Variants in TEX50 observed in about 807,000 individuals in gnomAD.
TEX50 encodes testis expressed 50.
TEX50 carries 3 observed loss-of-function variants against 9.8 expected under a neutral mutation model. The ratio of observed to expected loss-of-function variants is 0.31; its 90% confidence interval spans 0.14 to 0.79. The LOEUF is 0.79. Ranked by LOEUF, TEX50 falls within the 30% of genes least tolerant of loss-of-function variation. The probability of loss-of-function intolerance (pLI) is 0.63; values close to 1 mark genes in which losing one functional copy is unlikely to be tolerated. For synonymous variants in TEX50, 61 were observed against 72.1 expected (o/e 0.85, Z 0.78); for missense variants, 164 against 199.3 (o/e 0.82, Z 1.07).
In TEX50 at chr1:173,635,532, A is replaced by C. The variant is rs1024513336; in HGVS notation, c.11A>C (p.Gln4Pro). 19 of 1,522,582 alleles carry C rather than the reference A, an allele frequency of 1.2e-5. No individual in the cohort carries two copies. The highest frequency in any genetic ancestry group is 1.7e-4 in the Middle Eastern group (1 of 5,950). The allele number at this position is 1,522,582 out of a possible 1,614,324, so 94.3% of individuals were successfully genotyped here. Residue 4 changes from glutamine (Q) to proline (P), a missense_variant, in exon 1 of 2, where the codon CAA (glutamine) becomes CCA (proline). Physicochemically the swap from Gln to Pro is moderately conservative, Grantham distance 76 (BLOSUM62 -1). Coordinates refer to ENST00000417563, the MANE Select transcript of TEX50 (RefSeq NM_001195190.3). MSN[Q>P]RLPLIFSLLF... ...AATTGACAAAGAAGGATGTCTAATC[A>C]AAGACTACCGCTGATTTTTTCTCTG...
chr1:173,636,786 GT>G, intron 1 of TEX50, 40 bp from the exon 2 acceptor site: 1 of 1,409,268 alleles, frequency 7.1e-7, no homozygotes, highest in Non-Finnish European at 9.7e-7. Flanking sequence ...GAACTCTACT[GT>G]TTTATGTAGA....
Position 173,636,863 on chromosome 1 carries a change from G to T in TEX50, c.361G>T (p.Asp121Tyr), listed in dbSNP as rs1471533878. The T allele has an allele frequency of 2.6e-6, 4 of 1,535,712 alleles. No individual in the cohort carries two copies. The South Asian group carries it at 4.8e-5, about 18-fold the overall frequency. Reference protein sequence around the residue: ...KQASLEKPGNDLESPLINNID... With the variant: ...KQASLEKPGNYLESPLINNID... ...AGCCTCCTTAGAAAAACCTGGTAAT[G>T]ATCTAGAAAGCCCATTGATCAACAA... The change falls in exon 2 of 2, where the codon GAT (aspartate) becomes TAT (tyrosine). Residue 121 changes from aspartate (D) to tyrosine (Y), a missense_variant. Around this residue, in one of 3 missense-constraint regions of TEX50, gnomAD observed 135 missense variants for 154.2 expected, o/e 0.88. Coordinates refer to ENST00000417563, the MANE Select transcript of TEX50 (RefSeq NM_001195190.3).
rs1668480102 is a variant in TEX50, at chr1:173,637,071, T to C, written c.*35T>C. ...TATGCAAATGTAGCTTAGTCAATTA[T>C]AGATATCACAAAAGAAATCTATCAT... On this transcript the variant is annotated 3_prime_UTR_variant, in exon 2 of 2. Transcript: ENST00000417563. 2 of 1,296,320 alleles carry C rather than the reference T, an allele frequency of 1.5e-6. No individual in the cohort carries two copies. The highest frequency in any genetic ancestry group is 3.0e-5 in the African/African-American group (2 of 66,124). The allele number at this position is 1,296,320 out of a possible 1,614,324, so 80.3% of individuals were successfully genotyped here.
Position 173,635,776 on chromosome 1 carries a change from T to G in TEX50, c.255T>G (p.Ala85=). 3.3e-6 allele frequency: 5 copies of G among 1,535,562 alleles called. No homozygotes were observed. The highest frequency in any genetic ancestry group is 4.4e-6 in the Non-Finnish European group (5 of 1,146,450). The change falls in exon 1 of 2, where the codon GCT becomes GCG. Residue 85 remains alanine, a synonymous_variant. Coordinates refer to ENST00000417563, the MANE Select transcript of TEX50 (RefSeq NM_001195190.3). The part of the protein sequence containing the change: ...CLYLIYNLLQ[A]VFFVLFVLSV... ...ATCTCATTTATAATTTATTACAAGC[T>G]GTCTTCTTCGTCTTATTTGTTTTGT...
Position 173,637,108 on chromosome 1 carries a change from A to T in TEX50, c.*72A>T. On this transcript the variant is annotated 3_prime_UTR_variant, in exon 2 of 2. Transcript: ENST00000417563. ...AAGAAATCTATCATCTAAGGATTAA[A>T]AATTGTTCTTTGGAAACCTTTATAA... 1 of 1,135,944 alleles carries T rather than the reference A, an allele frequency of 8.8e-7. No homozygotes were observed. Among genetic ancestry groups the T allele is most frequent in the Admixed American group, 2.6e-5 (1 of 37,752 alleles). 70.4% of individuals were successfully genotyped at this position (1,135,944 alleles called of 1,614,324 possible).
chr1:173,636,151 T>C (rs545526610), intron 1 of TEX50, among the ~76,000 whole-genome samples: 1 of 152,274 alleles, frequency 6.6e-6, no homozygotes, highest in African/African-American at 2.4e-5. Context: ...GTCTGGGTCC[T>C]TAGGTAAGTC....
chr1:173,635,741 G>C lies in TEX50; in HGVS notation c.220G>C (p.Gly74Arg). ...CDFANMDIFQ[G>R]CLYLIYNLLQ... ...CTTTGCTAACATGGATATATTTCAG[G>C]GTTGTTTATATCTCATTTATAATTT... The change falls in exon 1 of 2, where the codon GGT becomes CGT. Residue 74 changes from glycine (G) to arginine (R), a missense_variant. By Grantham distance (125) the Gly-to-Arg change is moderately radical (BLOSUM62 -2). Coordinates refer to ENST00000417563, the MANE Select transcript of TEX50 (RefSeq NM_001195190.3). 1.3e-6 allele frequency: 2 copies of C among 1,535,118 alleles called. No homozygotes were observed. The highest frequency in any genetic ancestry group is 1.2e-5 in the South Asian group (1 of 84,018).
chr1:173,635,855 T>A lies in TEX50; in HGVS notation c.324+10T>A, dbSNP rs1668412957. On this transcript the variant is annotated intron_variant, in intron 1 of 1. Coordinates refer to ENST00000417563, the MANE Select transcript of TEX50 (RefSeq NM_001195190.3). ...GAAACACCAAAAAAAGGTGAATTCG[T>A]GATACAAGTAGTAATAGTTACAAAA... The A allele has an allele frequency of 1.3e-6, 2 of 1,508,114 alleles. No homozygotes were observed. Among genetic ancestry groups the A allele is most frequent in the Non-Finnish European group, 1.8e-6 (2 of 1,125,120 alleles). The allele number at this position is 1,508,114 out of a possible 1,614,324, so 93.4% of individuals were successfully genotyped here. A position where few individuals can be genotyped will look rare whatever the true frequency, so the allele number is the denominator to read the frequency against.
At position 173,637,058 on chromosome 1, in the gene TEX50, G is replaced by T; in HGVS notation, c.*22G>T. On this transcript the variant is annotated 3_prime_UTR_variant, in exon 2 of 2. Transcript: ENST00000417563. ...CTAAATAAATGCATATGCAAATGTA[G>T]CTTAGTCAATTATAGATATCACAAA... The T allele has an allele frequency of 7.1e-7, 1 of 1,409,588 alleles. No individual in the cohort carries two copies. The highest frequency in any genetic ancestry group is 9.7e-7 in the Non-Finnish European group (1 of 1,034,254). 87.3% of individuals were successfully genotyped at this position (1,409,588 alleles called of 1,614,324 possible).
rs1361562974 is a variant in TEX50, at chr1:173,635,473, T to C, written c.-49T>C. ...TTTATTATTTAGCTAATTTAGCTAT[T>C]TTAAAATAGCTAAATTTTAGCTACT... On this transcript the variant is annotated 5_prime_UTR_variant, in exon 1 of 2. Coordinates refer to ENST00000417563, the MANE Select transcript of TEX50 (RefSeq NM_001195190.3). The C allele has an allele frequency of 7.4e-7, 1 of 1,350,522 alleles. No homozygotes were observed. Among genetic ancestry groups the C allele is most frequent in the East Asian group, 2.5e-5 (1 of 39,704 alleles). The allele number at this position is 1,350,522 out of a possible 1,614,324, so 83.7% of individuals were successfully genotyped here.
Position 173,635,804 on chromosome 1 carries a change from G to A in TEX50, c.283G>A (p.Val95Met), listed in dbSNP as rs552492014. 8.5e-6 allele frequency: 13 copies of A among 1,533,166 alleles called. No homozygotes were observed. Among genetic ancestry groups the A allele is most frequent in the Non-Finnish European group, 1.1e-5 (13 of 1,145,336 alleles). The allele number at this position is 1,533,166 out of a possible 1,614,324, so 95.0% of individuals were successfully genotyped here. ...CTTCTTCGTCTTATTTGTTTTGTCT[G>A]TGCATTACCTGTGGAAGAAATGGAA... Reference protein sequence around the residue: ...AVFFVLFVLSVHYLWKKWKKH... With the variant: ...AVFFVLFVLSMHYLWKKWKKH... Residue 95 changes from valine (V) to methionine (M), a missense_variant, in exon 1 of 2, where the codon GTG (valine) becomes ATG (methionine). Around this residue, in one of 3 missense-constraint regions of TEX50, gnomAD observed 135 missense variants for 154.2 expected, o/e 0.88. Transcript: ENST00000417563.
Position 173,636,865 on chromosome 1 carries a change from T to C in TEX50, c.363T>C (p.Asp121=), listed in dbSNP as rs1668468727. ...CCTCCTTAGAAAAACCTGGTAATGA[T>C]CTAGAAAGCCCATTGATCAACAACA... The part of the protein sequence containing the change: ...KQASLEKPGN[D]LESPLINNID... Residue 121 remains aspartate, a synonymous_variant, in exon 2 of 2, where the codon GAT becomes GAC. Coordinates refer to ENST00000417563, the MANE Select transcript of TEX50 (RefSeq NM_001195190.3). 1.3e-6 allele frequency: 2 copies of C among 1,535,804 alleles called. No homozygotes were observed. The highest frequency in any genetic ancestry group is 1.7e-6 in the Non-Finnish European group (2 of 1,146,754).
rs1668480539 is a variant in TEX50 at position 173,637,076 on chromosome 1, A to G, written c.*40A>G. 7.2e-6 allele frequency: 9 copies of G among 1,252,668 alleles called. No individual in the cohort carries two copies. In the East Asian group the frequency reaches 2.0e-4, roughly 28 times the overall value. 77.6% of individuals were successfully genotyped at this position (1,252,668 alleles called of 1,614,324 possible). On this transcript the variant is annotated 3_prime_UTR_variant, in exon 2 of 2. Transcript: ENST00000417563. ...AAATGTAGCTTAGTCAATTATAGAT[A>G]TCACAAAAGAAATCTATCATCTAAG...
intron 1 of TEX50, 78 bp downstream of exon 1, chr1:173,635,923 G>A: frequency 1.8e-6 from 2 of 1,098,222 alleles, no homozygotes; most frequent in Non-Finnish European, 2.5e-6. Context: ...TTCTTTGAGA[G>A]AGGGTACCGT....
Position 173,635,343 on chromosome 1 carries a change from T to G in TEX50, c.-179T>G. ...CACTGTATCCTTTGCTGGGCATATT[T>G]TGCTGACTGGCAAGGTTATATGAAG... On this transcript the variant is annotated 5_prime_UTR_variant, in exon 1 of 2. Coordinates refer to ENST00000417563, the MANE Select transcript of TEX50 (RefSeq NM_001195190.3). 1.8e-6 allele frequency: 1 copy of G among 569,006 alleles called. No individual in the cohort carries two copies. The highest frequency in any genetic ancestry group is 3.1e-6 in the Non-Finnish European group (1 of 323,328). 35.2% of individuals were successfully genotyped at this position (569,006 alleles called of 1,614,324 possible).
Position 173,637,063 on chromosome 1 carries a change from G to A in TEX50, c.*27G>A. ...TAAATGCATATGCAAATGTAGCTTA[G>A]TCAATTATAGATATCACAAAAGAAA... On this transcript the variant is annotated 3_prime_UTR_variant, in exon 2 of 2. Transcript: ENST00000417563. 4 of 1,356,478 alleles carry A rather than the reference G, an allele frequency of 2.9e-6. No individual in the cohort carries two copies. The South Asian group carries it at 5.1e-5, about 17-fold the overall frequency. 84.0% of individuals were successfully genotyped at this position (1,356,478 alleles called of 1,614,324 possible).
intron 1 of TEX50, among the ~76,000 whole-genome samples, chr1:173,636,616 A>G (rs902224080): frequency 2.0e-5 from 3 of 152,230 alleles, no homozygotes; most frequent in Non-Finnish European, 2.9e-5. Context: ...AGGATCATAC[A>G]TGTGGCATAT....
chr1:173,635,982 C>A (rs1355327185), intron 1 of TEX50, 137 bp downstream of exon 1: 1 of 656,884 alleles, frequency 1.5e-6, no homozygotes, highest in Non-Finnish European at 2.6e-6. Context: ...TCATTCCCAG[C>A]ATCTAGCACA....
rs1445201732 is a variant in TEX50 at position 173,635,680 on chromosome 1, C to G, written c.159C>G (p.His53Gln). Reference protein sequence around the residue: ...HYWKVKGSPSHCLPYLLDKLC... With the variant: ...HYWKVKGSPSQCLPYLLDKLC... ...GGAAAGTTAAGGGTTCTCCATCTCA[C>G]TGCCTGCCTTATCTTCTGGATAAAC... Residue 53 changes from histidine to glutamine, a missense_variant, in exon 1 of 2, where the codon CAC becomes CAG. Around this residue, in one of 3 missense-constraint regions of TEX50, gnomAD observed 135 missense variants for 154.2 expected, o/e 0.88. Transcript: ENST00000417563. 7.2e-6 allele frequency: 11 copies of G among 1,535,574 alleles called. No individual in the cohort carries two copies. Among genetic ancestry groups the G allele is most frequent in the Non-Finnish European group, 9.6e-6 (11 of 1,146,620 alleles).
Sources: gnomAD v4.1 joint callset for allele counts (sites outside exome capture counted in the v4.1 genomes callset) on GRCh38, gnomAD v4.1.1 for gene constraint, gnomAD v4.1.1 regional missense constraint, MANE v1.5 for transcripts, NCBI Gene and HGNC (gene_info 2026-07-23, HGNC 2026-07-21) for gene names.